The following ABCA12 variants were observed in gnomAD, a reference collection of about 807,000 sequenced individuals.
The protein encoded by ABCA12 is glucosylceramide transporter ABCA12.
In ABCA12, 156 loss-of-function variants were observed where a neutral mutation model predicts 293.5. The observed-to-expected ratio is 0.53, with a 90% confidence interval of 0.47 to 0.61. The LOEUF (loss-of-function observed/expected upper bound fraction) is 0.61. ABCA12 is among the 20% of genes least tolerant of loss of function. The pLI, the probability that ABCA12 is intolerant of heterozygous loss-of-function variation, is 0.00. For synonymous variants in ABCA12, 1,063 were observed against 1,108.0 expected (o/e 0.96, Z 0.81); for missense variants, 2,797 against 3,090.2 (o/e 0.91, Z 2.25).
At position 215,054,571 on chromosome 2, in the gene ABCA12, A is replaced by G. The variant is rs1701383543; in HGVS notation, c.409+2T>C. The G allele has an allele frequency of 6.2e-7, 1 of 1,608,142 alleles. No homozygotes were observed. The highest frequency in any genetic ancestry group is 1.3e-5 in the African/African-American group (1 of 74,692). ...TGAACTCTACAGAAGAAAATAGCTT[A>G]CCTAGTGATGCATGCCTTCTTTCTG... On this transcript the variant is annotated splice_donor_variant, in intron 4 of 52. Coordinates refer to ENST00000272895, the MANE Select transcript of ABCA12 (RefSeq NM_173076.3). LOFTEE classifies it high-confidence loss of function.
chr2:215,015,262 T>C (rs1183368889), intron 15 of ABCA12, among the ~76,000 whole-genome samples: 3 of 23,940 alleles, frequency 1.3e-4, no homozygotes, highest in Non-Finnish European at 7.9e-5. Flanking sequence ...TGGTCTCTGA[T>C]ACACAAACCG....
chr2:214,986,450 A>C, intron 28 of ABCA12, 92 bp downstream of exon 28: 1 of 1,203,896 alleles, frequency 8.3e-7, no homozygotes, highest in South Asian at 1.3e-5. Context: ...TAATAACTTT[A>C]TGTTTTATAA....
At chr2:215,091,420 G>GT (rs2106106755) in intron 2 of ABCA12, among the ~76,000 whole-genome samples, 1 of 152,236 alleles carries the variant, frequency 6.6e-6, no homozygotes, top group South Asian at 2.1e-4. Flanking sequence ...CGTAGTCAAG[G>GT]TTAATGCTCC....
intron 6 of ABCA12, among the ~76,000 whole-genome samples, chr2:215,048,449 C>G (rs1701247204): frequency 6.6e-6 from 1 of 151,888 alleles, no homozygotes; most frequent in Admixed American, 6.6e-5. Flanking sequence ...AATCCCAGCA[C>G]TTTGGGAGGC....
intron 29 of ABCA12, 78 bp from the exon 30 acceptor site, chr2:214,982,461 G>T: frequency 8.7e-7 from 1 of 1,152,544 alleles, no homozygotes; most frequent in Non-Finnish European, 1.3e-6. Flanking sequence ...AACCCTAATT[G>T]ATATGTATTC....
Position 215,133,149 on chromosome 2 carries a change from A to ATTTTTTTTTT in ABCA12, c.69+4981_69+4990dup, listed in dbSNP as rs55641331. 2.3e-4 allele frequency among the ~76,000 whole-genome samples: 8 copies of ATTTTTTTTTT among 34,882 alleles called. 1 individual carries two copies. The highest frequency in any genetic ancestry group is 3.6e-4 in the Non-Finnish European group (5 of 14,028). 22.9% of individuals were successfully genotyped at this position (34,882 alleles called of 152,430 possible). A position where few individuals can be genotyped will look rare whatever the true frequency, so the allele number is the denominator to read the frequency against. ...TGACTCTTTTCTCTAGCTGGCTTTA[A>ATTTTTTTTTT]TTTTTTTTTTTTTTTTTTTTTTTTT... On this transcript the variant is annotated intron_variant, in intron 1 of 52. Coordinates refer to ENST00000272895, the MANE Select transcript of ABCA12 (RefSeq NM_173076.3).
rs775758562 is a variant in ABCA12 at position 215,000,689 on chromosome 2, A to C, written c.3179+16T>G. On this transcript the variant is annotated intron_variant, in intron 22 of 52. Coordinates refer to ENST00000272895, the MANE Select transcript of ABCA12 (RefSeq NM_173076.3). ...AGTTGTTGATCATTAAAAAGGCTGG[A>C]AGTGCACACACTTACTTGTCTTTCA... 6.2e-7 allele frequency: 1 copy of C among 1,613,562 alleles called. No individual in the cohort carries two copies. Among genetic ancestry groups the C allele is most frequent in the Non-Finnish European group, 8.5e-7 (1 of 1,179,860 alleles).
Position 215,044,669 on chromosome 2 carries a change from T to C in ABCA12, c.872+1168A>G, listed in dbSNP as rs986257871. On this transcript the variant is annotated intron_variant, in intron 7 of 52. Coordinates refer to ENST00000272895, the MANE Select transcript of ABCA12 (RefSeq NM_173076.3). ...AAATTCTTTAAGTTTAGGTCCTGGC[T>C]TTGCCATGTACTAACTGTAGAACCT... is the stretch of plus-strand genomic sequence containing the variant. Among the ~76,000 whole-genome samples, 3 of 152,184 alleles carry C rather than the reference T, an allele frequency of 2.0e-5. No homozygotes were observed. The South Asian group carries it at 6.2e-4, about 32-fold the overall frequency.
rs190214194 is a variant in ABCA12 at position 215,012,053 on chromosome 2, A to G, written c.2039T>C (p.Met680Thr). 6.2e-7 allele frequency: 1 copy of G among 1,614,022 alleles called. No homozygotes were observed. Among genetic ancestry groups the G allele is most frequent in the East Asian group, 2.2e-5 (1 of 44,866 alleles). Residue 680 changes from methionine (M) to threonine (T), a missense_variant, in exon 16 of 53, where the codon ATG becomes ACG. Met to Thr is a moderately conservative substitution (Grantham distance 81). This residue lies in a region of ABCA12 where 2,130 missense variants were observed against 2,427.0 expected (regional missense o/e 0.88). Transcript: ENST00000272895. ...FIRLKEILNQ[M>T]ASGTHPLLDK... is the part of the protein sequence containing the mutation. ...TAGCAGCGGATGTGTGCCAGAAGCC[A>G]TCTGATTGAGAATCTCTTTTAGTCT...
chr2:214,995,528 T>C (rs1419692588), intron 23 of ABCA12, among the ~76,000 whole-genome samples: 1 of 152,202 alleles, frequency 6.6e-6, no homozygotes, highest in East Asian at 1.9e-4. Flanking sequence ...CTGCCAGATC[T>C]ACCATTAACT....
chr2:215,033,737 C>T (rs1008131097), intron 8 of ABCA12, among the ~76,000 whole-genome samples: 8 of 151,894 alleles, frequency 5.3e-5, no homozygotes, highest in African/African-American at 9.7e-5. Context: ...GTCAGGAGAT[C>T]GAGATCATCC....
intron 2 of ABCA12, among the ~76,000 whole-genome samples, chr2:215,105,670 CA>C (rs980346149): frequency 1.3e-5 from 2 of 151,524 alleles, no homozygotes; most frequent in African/African-American, 4.9e-5. Context: ...AAGCATGAGA[CA>C]ATGGGATCTT....
intron 2 of ABCA12, among the ~76,000 whole-genome samples, chr2:215,066,736 G>A (rs1701646576): frequency 1.3e-5 from 2 of 152,086 alleles, no homozygotes; most frequent in Admixed American, 1.3e-4. Flanking sequence ...TGCAAATGAG[G>A]AATTGATTCA....
At chr2:215,025,559 C>A in intron 11 of ABCA12, 114 bp downstream of exon 11, 1 of 716,608 alleles carries the variant, frequency 1.4e-6, no homozygotes, top group Non-Finnish European at 2.3e-6. Flanking sequence ...AGATTTAAAA[C>A]TTAAAAGTGT....
intron 49 of ABCA12, 115 bp downstream of exon 49, chr2:214,944,886 T>TAC (rs1292170536): frequency 6.4e-5 from 47 of 733,068 alleles, no homozygotes; most frequent in Middle Eastern, 3.8e-4. Context: ...TATATATATA[T>TAC]ACACACACAT....
chr2:215,080,596 A>T (rs568098251), intron 2 of ABCA12, among the ~76,000 whole-genome samples: 1 of 152,294 alleles, frequency 6.6e-6, no homozygotes, highest in Admixed American at 6.5e-5. Context: ...AAATGCTTTA[A>T]ATATATATAT....
At chr2:214,999,648 A>G in intron 22 of ABCA12, 1 of 275,622 alleles carries the variant, frequency 3.6e-6, no homozygotes. Context: ...GATAAGAATT[A>G]TAACTTCATT....
In ABCA12 at chr2:215,115,900, C is replaced by T. The variant is rs545756562; in HGVS notation, c.70-4210G>A. Among the ~76,000 whole-genome samples, 4 of 152,148 alleles carry T rather than the reference C, an allele frequency of 2.6e-5. No homozygotes were observed. In the South Asian group the frequency reaches 8.3e-4, roughly 32 times the overall value. On this transcript the variant is annotated intron_variant, in intron 1 of 52. Transcript: ENST00000272895. The stretch of plus-strand genomic sequence containing the variant: ...GCAGTGAGATGTGGGATGTCAGAGA[C>T]CAAGTGGGGTGAAGAAGGTGTCAGT...
chr2:214,974,152 G>A (rs1274025817), intron 35 of ABCA12, 110 bp from the exon 36 acceptor site: 15 of 984,080 alleles, frequency 1.5e-5, no homozygotes, highest in Non-Finnish European at 2.2e-5. Context: ...TGTAGTCACA[G>A]AACAATTTAC....
Sources: gnomAD v4.1 joint callset for allele counts (sites outside exome capture counted in the v4.1 genomes callset) on GRCh38, gnomAD v4.1.1 for gene constraint, gnomAD v4.1.1 regional missense constraint, MANE v1.5 for transcripts, NCBI Gene and HGNC (gene_info 2026-07-23, HGNC 2026-07-21) for gene names.